TEK: variants seen among roughly 807,000 people sequenced by gnomAD.
TEK encodes the protein TEK receptor tyrosine kinase, also known as angiopoietin-1 receptor.
In TEK, 43 loss-of-function variants were observed where a neutral mutation model predicts 131.8. The ratio of observed to expected loss-of-function variants is 0.33; its 90% confidence interval spans 0.26 to 0.42. The LOEUF (loss-of-function observed/expected upper bound fraction) is 0.42, where lower values mean the gene tolerates loss of function less well. TEK is among the 10% of genes least tolerant of loss of function. The pLI, the probability that TEK is intolerant of heterozygous loss-of-function variation, is 1.00. For synonymous variants in TEK, 580 were observed against 491.6 expected (o/e 1.18, Z -2.38); for missense variants, 1,162 against 1,384.4 (o/e 0.84, Z 2.55).
chr9:27,221,399 C>T lies in TEK; in HGVS notation c.3200+1254C>T, dbSNP rs374978208. ...AGCTCTGAAGAGAGCAGTGGATCTC[C>T]CAGCACAGCACTTGAGCTCTGCTAA... On this transcript the variant is annotated intron_variant, in intron 21 of 22. Transcript: ENST00000380036. Among the ~76,000 whole-genome samples the T allele has an allele frequency of 6.6e-5, 10 of 152,314 alleles. No homozygotes were observed. In the East Asian group the frequency reaches 1.9e-3, roughly 29 times the overall value.
intron 1 of TEK, among the ~76,000 whole-genome samples, chr9:27,134,648 G>A (rs150499666): frequency 5.3e-4 from 81 of 152,204 alleles, no homozygotes; most frequent in African/African-American, 1.9e-3. Flanking sequence ...AGAGTACATG[G>A]CAAACTTCAT....
At chr9:27,194,334 T>A (rs769913938) in intron 11 of TEK, among the ~76,000 whole-genome samples, 9 of 152,166 alleles carry the variant, frequency 5.9e-5, no homozygotes, top group Non-Finnish European at 1.3e-4. Flanking sequence ...CCACCTAGTT[T>A]TTATGTTACT....
chr9:27,201,256 T>C (rs1487425247), intron 12 of TEK, among the ~76,000 whole-genome samples: 1 of 152,198 alleles, frequency 6.6e-6, no homozygotes, highest in Non-Finnish European at 1.5e-5. Flanking sequence ...AGTTGGTAGA[T>C]GCAAATTTAT....
At chr9:27,144,212 G>A (rs997894811) in intron 1 of TEK, among the ~76,000 whole-genome samples, 1 of 152,108 alleles carries the variant, frequency 6.6e-6, no homozygotes, top group African/African-American at 2.4e-5. Flanking sequence ...AACCCAGGAG[G>A]CAGAGCTTGC....
At chr9:27,201,251 G>A (rs899390958) in intron 12 of TEK, among the ~76,000 whole-genome samples, 1 of 152,144 alleles carries the variant, frequency 6.6e-6, no homozygotes, top group African/African-American at 2.4e-5. Context: ...TGGTAAGTTG[G>A]TAGATGCAAA....
At chr9:27,224,315 A>ACTT (rs1397545114) in intron 21 of TEK, among the ~76,000 whole-genome samples, 1 of 152,118 alleles carries the variant, frequency 6.6e-6, no homozygotes, top group African/African-American at 2.4e-5. Flanking sequence ...AAAAAAGAAA[A>ACTT]CTTCAGGCCA....
At chr9:27,224,334 G>A (rs1189985514) in intron 21 of TEK, among the ~76,000 whole-genome samples, 1 of 152,118 alleles carries the variant, frequency 6.6e-6, no homozygotes, top group Non-Finnish European at 1.5e-5. Context: ...CAATATCCCT[G>A]ATGAACATTG....
intron 1 of TEK, among the ~76,000 whole-genome samples, chr9:27,117,049 T>G (rs1821595465): frequency 6.6e-6 from 1 of 151,708 alleles, no homozygotes; most frequent in South Asian, 2.1e-4. Context: ...TAATTTTTAG[T>G]AGAGACGTGG....
chr9:27,217,688 G>T lies in TEK; in HGVS notation c.2992G>T (p.Gly998Ter). Residue 998 changes from glycine to a stop codon, truncating the protein, a stop_gained and splice_region_variant, in exon 19 of 23, where the codon GGA (glycine) becomes TGA (stop). Coordinates refer to ENST00000380036, the MANE Select transcript of TEK (RefSeq NM_000459.5). LOFTEE classifies it high-confidence loss of function. ...TGAAATCTCACTTTGTTCTCTCCAGGGAAGGCTCCCAGTGCGCTGGATGGC... is the reference window on the plus strand; with the variant it reads ...TGAAATCTCACTTTGTTCTCTCCAGTGAAGGCTCCCAGTGCGCTGGATGGC... ...GQEVYVKKTM[G>*]RLPVRWMAIE... The T allele has an allele frequency of 6.2e-7, 1 of 1,613,606 alleles. No homozygotes were observed. Among genetic ancestry groups the T allele is most frequent in the Non-Finnish European group, 8.5e-7 (1 of 1,179,658 alleles).
At chr9:27,196,225 T>C (rs1217391721) in intron 11 of TEK, among the ~76,000 whole-genome samples, 3 of 152,262 alleles carry the variant, frequency 2.0e-5, no homozygotes, top group African/African-American at 7.2e-5. Flanking sequence ...CTACATGTAC[T>C]TGAAGTCTCT....
rs185470630 is a variant in TEK, at chr9:27,180,430, G to A, written c.1030+62G>A. ...AGCATGTCTGAACTGAGCTTTGGTA[G>A]TGTAATTCTTGTGCCGGCATTCTAA... On this transcript the variant is annotated intron_variant, in intron 7 of 22. Coordinates refer to ENST00000380036, the MANE Select transcript of TEK (RefSeq NM_000459.5). 3.9e-5 allele frequency: 62 copies of A among 1,577,576 alleles called. No homozygotes were observed. The East Asian group carries it at 1.4e-3, about 35-fold the overall frequency.
In TEK at chr9:27,116,673, G is replaced by C. The variant is rs186367921; in HGVS notation, c.52+7031G>C. On this transcript the variant is annotated intron_variant, in intron 1 of 22. Transcript: ENST00000380036. Reference sequence around the variant, plus strand: ...AAGAGATTGAGATGTAGAAATCTTTGGTATATGGTAAGTGAAGCCACGGGC... The same window carrying C: ...AAGAGATTGAGATGTAGAAATCTTTCGTATATGGTAAGTGAAGCCACGGGC... Among the ~76,000 whole-genome samples, 288 of 152,220 alleles carry C rather than the reference G, an allele frequency of 1.9e-3. 1 individual carries two copies. The highest frequency in any genetic ancestry group is 6.6e-3 in the African/African-American group (273 of 41,528).
chr9:27,127,433 C>T (rs950812788), intron 1 of TEK, among the ~76,000 whole-genome samples: 3 of 152,144 alleles, frequency 2.0e-5, no homozygotes, highest in Non-Finnish European at 2.9e-5. Context: ...CCACAATAAA[C>T]GTGTGTGCAT....
At chr9:27,154,204 A>G (rs1195712526) in intron 1 of TEK, among the ~76,000 whole-genome samples, 2 of 152,058 alleles carry the variant, frequency 1.3e-5, no homozygotes, top group African/African-American at 2.4e-5. Context: ...TCTTGGATAC[A>G]TGTGCAGAAC....
At chr9:27,116,048 C>G (rs1193656529) in intron 1 of TEK, among the ~76,000 whole-genome samples, 1 of 152,066 alleles carries the variant, frequency 6.6e-6, no homozygotes, top group Non-Finnish European at 1.5e-5. Context: ...AAGTTGGCTT[C>G]CTAACATTCC....
At chr9:27,219,742 C>CATAAAATATGAG (rs1825982205) in intron 20 of TEK, among the ~76,000 whole-genome samples, 3 of 138,154 alleles carry the variant, frequency 2.2e-5, no homozygotes, top group Admixed American at 1.4e-4. Flanking sequence ...AAAGGTTAAT[C>CATAAAATATGAG]TTATTGGTAT....
At chr9:27,158,174 G>A in intron 2 of TEK, 32 bp downstream of exon 2, 1 of 1,613,038 alleles carries the variant, frequency 6.2e-7, no homozygotes, top group South Asian at 1.1e-5. Context: ...GGCAGGTGAG[G>A]CCCACTGAGG....
At chr9:27,191,684 T>G (rs1189934532) in intron 10 of TEK, among the ~76,000 whole-genome samples, 3 of 152,154 alleles carry the variant, frequency 2.0e-5, no homozygotes, top group Non-Finnish European at 4.4e-5. Context: ...ACTGAGTCCT[T>G]CACATACTAT....
In TEK at chr9:27,118,224, C is replaced by T. The variant is rs114587006; in HGVS notation, c.52+8582C>T. On this transcript the variant is annotated intron_variant, in intron 1 of 22. Transcript: ENST00000380036. ...ACCCTAGGTTGAATGCCTTTATGTG[C>T]CAAGTGTTAAATATGATTTTTAATA... Among the ~76,000 whole-genome samples, 1,474 of 152,228 alleles carry T rather than the reference C, an allele frequency of 9.7e-3. 25 individuals carry two copies. The highest frequency in any genetic ancestry group is 0.034 in the African/African-American group (1,407 of 41,530).
Sources: allele counts gnomAD v4.1 joint callset (sites outside exome capture counted in the v4.1 genomes callset), GRCh38; gene constraint gnomAD v4.1.1; transcripts MANE v1.5; gene names NCBI Gene and HGNC (gene_info 2026-07-23, HGNC 2026-07-21).